Variants in IKZF2 observed in about 807,000 individuals in gnomAD.
IKZF2 encodes the protein zinc finger protein Helios.
Under a neutral mutation model 49.2 loss-of-function variants are expected in IKZF2, and 15 were observed. The observed-to-expected ratio is 0.30, with a 90% confidence interval of 0.20 to 0.47. IKZF2 has a LOEUF of 0.47. IKZF2 is among the 20% of genes least tolerant of loss of function. The pLI, the probability that IKZF2 is intolerant of heterozygous loss-of-function variation, is 1.00. For synonymous variants in IKZF2, 227 were observed against 221.4 expected (o/e 1.03, Z -0.23); for missense variants, 567 against 664.6 (o/e 0.85, Z 1.61).
rs16849611 is a variant in IKZF2, at chr2:213,056,961, T to C, written c.278A>G (p.Asn93Ser). The change falls in exon 5 of 9, where the codon AAC becomes AGC. Residue 93 changes from asparagine (N) to serine (S), a missense_variant. Transcript: ENST00000434687. ...PLIESSEVADNRKVQELQGEG... is the reference protein window; with the variant it reads ...PLIESSEVADSRKVQELQGEG... ...GCCTTGAAGCTCCTGGACTTTCCTG[T>C]TGTCAGCCACCTCGCTGCTCTCAAT... is the stretch of plus-strand genomic sequence containing the variant. The C allele has an allele frequency of 6.2e-3, 10,000 of 1,613,838 alleles. 63 individuals carry two copies. Among genetic ancestry groups the C allele is most frequent in the Middle Eastern group, 0.024 (143 of 6,062 alleles).
chr2:213,150,562 C>G (rs2061249490), intron 1 of IKZF2, among the ~76,000 whole-genome samples: 2 of 151,434 alleles, frequency 1.3e-5, no homozygotes, highest in African/African-American at 4.8e-5. Context: ...AATGGCACCA[C>G]GTACTTTCAG....
intron 4 of IKZF2, chr2:213,147,366 C>T (rs1024494734): frequency 3.8e-6 from 2 of 523,026 alleles, no homozygotes; most frequent in African/African-American, 1.9e-5. Flanking sequence ...TGTGAAGAGT[C>T]CTTTGGAAGT....
intron 4 of IKZF2, among the ~76,000 whole-genome samples, chr2:213,096,726 T>C (rs1286638086): frequency 1.3e-5 from 2 of 151,984 alleles, no homozygotes; most frequent in African/African-American, 4.8e-5. Context: ...GAAGGCATTA[T>C]TAGGTGAAAA....
intron 4 of IKZF2, among the ~76,000 whole-genome samples, chr2:213,076,290 A>G (rs1481225867): frequency 6.6e-6 from 1 of 152,204 alleles, no homozygotes; most frequent in East Asian, 1.9e-4. Flanking sequence ...ATTCTAAAAC[A>G]CCGAAACAAA....
chr2:213,093,055 T>C (rs576122893), intron 4 of IKZF2, among the ~76,000 whole-genome samples: 2 of 152,280 alleles, frequency 1.3e-5, no homozygotes, highest in South Asian at 2.1e-4. Flanking sequence ...ACCTGCTCTA[T>C]ATTTGCTAAA....
chr2:213,007,082 A>G lies in IKZF2; in HGVS notation c.*278T>C, dbSNP rs1695407270. ...ATCAAGTGATTTTTCAAAGCATGAT[A>G]TGCCTTGGTAGAAATGGACTGCTCT... On this transcript the variant is annotated 3_prime_UTR_variant, in exon 9 of 9. Transcript: ENST00000434687. The G allele has an allele frequency of 2.0e-5, 6 of 304,270 alleles. No individual in the cohort carries two copies. The East Asian group carries it at 3.4e-4, about 17-fold the overall frequency. 18.8% of individuals were successfully genotyped at this position (304,270 alleles called of 1,614,324 possible).
At chr2:213,062,669 C>A (rs1051736511) in intron 4 of IKZF2, among the ~76,000 whole-genome samples, 1 of 151,792 alleles carries the variant, frequency 6.6e-6, no homozygotes, top group Non-Finnish European at 1.5e-5. Flanking sequence ...TTCAAGTGGG[C>A]ACTTAAGGGA....
chr2:213,143,617 G>A (rs999058058), intron 4 of IKZF2, among the ~76,000 whole-genome samples: 1 of 151,714 alleles, frequency 6.6e-6, no homozygotes, highest in Non-Finnish European at 1.5e-5. Context: ...ACAAACCTAA[G>A]TATGGCGACT....
chr2:213,018,269 CAATAA>C (rs554736964), intron 7 of IKZF2, among the ~76,000 whole-genome samples: 21 of 151,864 alleles, frequency 1.4e-4, no homozygotes, highest in Non-Finnish European at 2.9e-4. Context: ...CCCTAAAACC[CAATAA>C]AATAAATAAG....
At chr2:213,063,687 T>C (rs1701910999) in intron 4 of IKZF2, among the ~76,000 whole-genome samples, 1 of 152,030 alleles carries the variant, frequency 6.6e-6, no homozygotes, top group African/African-American at 2.4e-5. Context: ...CACTGAAGCA[T>C]GGTTGTTAAG....
At chr2:213,055,237 A>G (rs566431406) in intron 5 of IKZF2, among the ~76,000 whole-genome samples, 126 of 152,212 alleles carry the variant, frequency 8.3e-4, no homozygotes, top group African/African-American at 3.0e-3. Flanking sequence ...CATAATGAAT[A>G]TATTATAACT....
chr2:213,063,229 T>A (rs1270093698), intron 4 of IKZF2, among the ~76,000 whole-genome samples: 2 of 152,008 alleles, frequency 1.3e-5, no homozygotes, highest in African/African-American at 4.8e-5. Flanking sequence ...CTCTCCATCC[T>A]CTTTCTTCTC....
At chr2:213,116,070 C>T (rs2059860564) in intron 4 of IKZF2, among the ~76,000 whole-genome samples, 2 of 152,086 alleles carry the variant, frequency 1.3e-5, no homozygotes, top group Admixed American at 1.3e-4. Flanking sequence ...CTTTATTGAC[C>T]TTCTAGTTAA....
At chr2:213,150,625 G>C (rs2061251704) in intron 1 of IKZF2, among the ~76,000 whole-genome samples, 1 of 138,048 alleles carries the variant, frequency 7.2e-6, no homozygotes, top group Non-Finnish European at 1.5e-5. Flanking sequence ...ATAGCAATGC[G>C]ATTAACAAGA....
rs1355708022 is a variant in IKZF2 at position 213,001,010 on chromosome 2, C to T, written c.*6350G>A. ...TCTCTTTGCTTGTTGTGTCCTTTAACATACTATGACTTTTATGAGTTTCTT... is the reference window on the plus strand; with the variant it reads ...TCTCTTTGCTTGTTGTGTCCTTTAATATACTATGACTTTTATGAGTTTCTT... On this transcript the variant is annotated 3_prime_UTR_variant, in exon 9 of 9. Coordinates refer to ENST00000434687, the MANE Select transcript of IKZF2 (RefSeq NM_001387220.1). The T allele has an allele frequency of 6.6e-6, 1 of 151,560 alleles. No individual in the cohort carries two copies. Among genetic ancestry groups the T allele is most frequent in the Admixed American group, 6.6e-5 (1 of 15,120 alleles). 9.4% of individuals were successfully genotyped at this position (151,560 alleles called of 1,614,324 possible). A position where few individuals can be genotyped will look rare whatever the true frequency, so the allele number is the denominator to read the frequency against.
In IKZF2 at chr2:213,070,490, C is replaced by T. The variant is rs77723850; in HGVS notation, c.140-13391G>A. ...GATTGTATTCCAGGATCAGGGAATTCACTGATTTTCAGGATTCCCTCTTGC... is the reference window on the plus strand; with the variant it reads ...GATTGTATTCCAGGATCAGGGAATTTACTGATTTTCAGGATTCCCTCTTGC... On this transcript the variant is annotated intron_variant, in intron 4 of 8. Transcript: ENST00000434687. Among the ~76,000 whole-genome samples the T allele has an allele frequency of 7.5e-3, 1,137 of 150,972 alleles. 16 individuals carry two copies. The highest frequency in any genetic ancestry group is 0.026 in the African/African-American group (1,089 of 41,396).
At chr2:213,083,380 G>GA (rs1376425918) in intron 4 of IKZF2, among the ~76,000 whole-genome samples, 3 of 127,554 alleles carry the variant, frequency 2.4e-5, no homozygotes, top group African/African-American at 1.0e-4. Flanking sequence ...ATAGGACGGC[G>GA]AACCTTTTTT....
intron 8 of IKZF2, among the ~76,000 whole-genome samples, chr2:213,012,994 A>G (rs1226706487): frequency 6.6e-6 from 1 of 152,048 alleles, no homozygotes; most frequent in Non-Finnish European, 1.5e-5. Context: ...GAGACAATCT[A>G]TGACTTACAG....
rs1695043918 is a variant in IKZF2 at position 213,003,127 on chromosome 2, T to C, written c.*4233A>G. The C allele has an allele frequency of 6.6e-6, 1 of 152,108 alleles. No homozygotes were observed. The allele number at this position is 152,108 out of a possible 1,614,324, so 9.4% of individuals were successfully genotyped here. On this transcript the variant is annotated 3_prime_UTR_variant, in exon 9 of 9. Coordinates refer to ENST00000434687, the MANE Select transcript of IKZF2 (RefSeq NM_001387220.1). ...TATATAGTACTCAATTTTAAGTGAT[T>C]TTTAAAAATGCATATTAAAAGTGTT...
Sources: allele counts gnomAD v4.1 joint callset (sites outside exome capture counted in the v4.1 genomes callset), GRCh38; gene constraint gnomAD v4.1.1; transcripts MANE v1.5; gene names NCBI Gene and HGNC (gene_info 2026-07-23, HGNC 2026-07-21).